PIGB: variants seen among roughly 807,000 people sequenced by gnomAD.
PIGB encodes the protein phosphatidylinositol glycan anchor biosynthesis class B, also known as GPI alpha-1,2-mannosyltransferase 3.
PIGB carries 58 observed loss-of-function variants against 68.4 expected under a neutral mutation model. The observed-to-expected ratio is 0.85, with a 90% CI of 0.69 to 1.06. The LOEUF (loss-of-function observed/expected upper bound fraction) is 1.06. Among genes scored for constraint, PIGB ranks in the 50% least tolerant of loss-of-function variants. The pLI is 0.00. For synonymous variants in PIGB, 219 were observed against 220.5 expected, an observed-to-expected ratio of 0.99 and a Z score of 0.06; for missense variants, 634 against 655.8, an observed-to-expected ratio of 0.97 and a Z score of 0.36.
At chr15:55,336,618 G>A (rs2055542004) in intron 6 of PIGB, among the ~76,000 whole-genome samples, 1 of 152,126 alleles carries the variant, frequency 6.6e-6, no homozygotes, top group African/African-American at 2.4e-5. Context: ...TGGCTGTATG[G>A]GTACCATTTT....
At chr15:55,326,243 T>C (rs1196848752) in intron 3 of PIGB, among the ~76,000 whole-genome samples, 1 of 151,738 alleles carries the variant, frequency 6.6e-6, no homozygotes, top group East Asian at 1.9e-4. Flanking sequence ...GTATTTCTTA[T>C]TATCTTATTT....
Position 55,334,012 on chromosome 15 carries a change from G to C in PIGB, c.794+5G>C. ...ACATCATTTTTTACCTGTAGGGTAA[G>C]TGTGGCAATAATCCATCCATTTATT... On this transcript the variant is annotated splice_donor_5th_base_variant and intron_variant, in intron 6 of 11. Coordinates refer to ENST00000164305, the MANE Select transcript of PIGB (RefSeq NM_004855.5). 9 of 1,573,424 alleles carry C rather than the reference G, an allele frequency of 5.7e-6. No homozygotes were observed. The highest frequency in any genetic ancestry group is 7.8e-6 in the Non-Finnish European group (9 of 1,159,690).
intron 9 of PIGB, chr15:55,346,501 C>G (rs538330233): frequency 1.3e-5 from 2 of 152,252 alleles, no homozygotes; most frequent in African/African-American, 4.8e-5. Flanking sequence ...TACCGACTTT[C>G]AAGTATCTTT....
rs1209304993 is a variant in PIGB at position 55,320,306 on chromosome 15, G to C, written c.195G>C (p.Leu65Phe). 6.2e-7 allele frequency: 1 copy of C among 1,613,186 alleles called. No homozygotes were observed. Among genetic ancestry groups the C allele is most frequent in the Non-Finnish European group, 8.5e-7 (1 of 1,179,388 alleles). Reference sequence around the variant, plus strand: ...TTGGAGAAAATATTTATCTGCTCTTGTTTACCATAGCTTTACGAATATTAA... The same window carrying C: ...TTGGAGAAAATATTTATCTGCTCTTCTTTACCATAGCTTTACGAATATTAA... ...DLLGENIYLL[L>F]FTIALRILNC... The change falls in exon 2 of 12, where the codon TTG becomes TTC. Residue 65 changes from leucine to phenylalanine, a missense_variant. Physicochemically the swap from Leu to Phe is conservative, Grantham distance 22 (BLOSUM62 0). Coordinates refer to ENST00000164305, the MANE Select transcript of PIGB (RefSeq NM_004855.5).
chr15:55,327,715 C>A, intron 4 of PIGB, 80 bp downstream of exon 4: 2 of 799,668 alleles, frequency 2.5e-6, no homozygotes, highest in Non-Finnish European at 4.2e-6. Context: ...CATTGATTCC[C>A]AAAACAATTT....
chr15:55,333,442 C>CA (rs770485423), intron 5 of PIGB, among the ~76,000 whole-genome samples: 1 of 151,490 alleles, frequency 6.6e-6, no homozygotes, highest in Non-Finnish European at 1.5e-5. Context: ...ACTAAAAATA[C>CA]AAAAAATTAG....
chr15:55,353,484 G>T (rs760168055), intron 10 of PIGB, among the ~76,000 whole-genome samples: 1 of 151,130 alleles, frequency 6.6e-6, no homozygotes, highest in African/African-American at 2.5e-5. Context: ...TTAAATGTTT[G>T]TATCAGTGAG....
At chr15:55,352,848 T>C (rs535601723) in intron 10 of PIGB, among the ~76,000 whole-genome samples, 11 of 152,348 alleles carry the variant, frequency 7.2e-5, no homozygotes, top group African/African-American at 2.4e-4. Flanking sequence ...GCACGTTCAA[T>C]TAATTTAATT....
intron 9 of PIGB, 134 bp from the exon 10 acceptor site, chr15:55,350,565 T>G: frequency 1.5e-6 from 1 of 670,312 alleles, no homozygotes; most frequent in Non-Finnish European, 2.6e-6. Context: ...GAGATATGAC[T>G]TATTGCTTAT....
intron 3 of PIGB, among the ~76,000 whole-genome samples, chr15:55,322,001 C>T (rs930741551): frequency 2.6e-5 from 4 of 151,300 alleles, no homozygotes; most frequent in Admixed American, 1.3e-4. Flanking sequence ...ACAGAGAAAC[C>T]GCGTCTCTAC....
chr15:55,350,655 A>G, intron 9 of PIGB, 44 bp from the exon 10 acceptor site: 1 of 1,228,510 alleles, frequency 8.1e-7, no homozygotes, highest in Non-Finnish European at 1.2e-6. Flanking sequence ...TAACATAACA[A>G]AAGATTGTCA....
chr15:55,322,710 C>T (rs965176706), intron 3 of PIGB, among the ~76,000 whole-genome samples: 1 of 152,148 alleles, frequency 6.6e-6, no homozygotes, highest in Non-Finnish European at 1.5e-5. Context: ...TAGGGTTAAA[C>T]CAGTGAAACC....
intron 6 of PIGB, among the ~76,000 whole-genome samples, chr15:55,335,899 TAGAA>T (rs1184719980): frequency 6.6e-6 from 1 of 152,070 alleles, no homozygotes; most frequent in Non-Finnish European, 1.5e-5. Flanking sequence ...CTGAGGGAGA[TAGAA>T]AGCCTTTTTA....
At chr15:55,345,965 A>C (rs2055784456) in intron 9 of PIGB, among the ~76,000 whole-genome samples, 1 of 151,962 alleles carries the variant, frequency 6.6e-6, no homozygotes, top group Admixed American at 6.6e-5. Flanking sequence ...ATATCTCTCT[A>C]ATTGGTAAAA....
At chr15:55,353,499 A>C (rs1339534894) in intron 10 of PIGB, among the ~76,000 whole-genome samples, 2 of 144,332 alleles carry the variant, frequency 1.4e-5, no homozygotes, top group Admixed American at 6.6e-5. Flanking sequence ...AGTGAGGTTT[A>C]ATTTTTCCTA....
Position 55,355,388 on chromosome 15 carries a change from G to C in PIGB, c.1621G>C (p.Glu541Gln). 6.2e-7 allele frequency: 1 copy of C among 1,610,588 alleles called. No homozygotes were observed. The highest frequency in any genetic ancestry group is 1.1e-5 in the South Asian group (1 of 90,468). The change falls in exon 12 of 12, where the codon GAA (glutamate) becomes CAA (glutamine). Residue 541 changes from glutamate (E) to glutamine (Q), a missense_variant. By Grantham distance (29) the Glu-to-Gln change is conservative. Coordinates refer to ENST00000164305, the MANE Select transcript of PIGB (RefSeq NM_004855.5). ...GRIGSHIYVY[E>Q]RKLKGKFNMK... ...AATTGGAAGTCACATATATGTCTAT[G>C]AACGGAAGTTAAAAGGGAAATTCAA...
At chr15:55,335,296 G>A (rs368620772) in intron 6 of PIGB, among the ~76,000 whole-genome samples, 9 of 152,154 alleles carry the variant, frequency 5.9e-5, no homozygotes, top group East Asian at 1.9e-4. Flanking sequence ...AGTATTTTTC[G>A]GGTAGCAATC....
intron 7 of PIGB, 88 bp downstream of exon 7, chr15:55,339,406 A>T (rs747659519): frequency 2.0e-4 from 161 of 801,682 alleles, no homozygotes; most frequent in Non-Finnish European, 3.1e-4. Context: ...TTTAAATGAT[A>T]TGGGATACAT....
intron 5 of PIGB, among the ~76,000 whole-genome samples, chr15:55,331,203 T>C (rs1335350101): frequency 6.6e-6 from 1 of 152,204 alleles, no homozygotes; most frequent in Non-Finnish European, 1.5e-5. Flanking sequence ...ATTAGGTCCA[T>C]TAAATCTCAT....
Sources: gnomAD v4.1 joint callset for allele counts (sites outside exome capture counted in the v4.1 genomes callset) on GRCh38, gnomAD v4.1.1 for gene constraint, MANE v1.5 for transcripts, NCBI Gene and HGNC (gene_info 2026-07-23, HGNC 2026-07-21) for gene names.